Variants in PRICKLE4 observed in about 807,000 individuals in gnomAD.
PRICKLE4 encodes the protein prickle planar cell polarity protein 4.
Under a neutral mutation model 43.5 loss-of-function variants are expected in PRICKLE4, and 40 were observed. That is an observed-to-expected ratio of 0.92 (90% CI 0.71 to 1.20). PRICKLE4 has a LOEUF of 1.20. Among genes scored for constraint, PRICKLE4 ranks in the 50% most tolerant of loss-of-function variants. PRICKLE4 has a pLI of 0.00. For missense variants in PRICKLE4, 527 were observed against 491.2 expected, an observed-to-expected ratio of 1.07 and a Z score of -0.69; for synonymous variants, 208 against 197.4, an observed-to-expected ratio of 1.05 and a Z score of -0.45.
rs1158199284 is a variant in PRICKLE4, at chr6:41,785,397, C to T, written c.439C>T (p.Arg147Cys). The T allele has an allele frequency of 4.3e-6, 7 of 1,614,148 alleles. No individual in the cohort carries two copies. Among genetic ancestry groups the T allele is most frequent in the East Asian group, 2.2e-5 (1 of 44,878 alleles). The change falls in exon 6 of 8, where the codon CGC (arginine) becomes TGC (cysteine). Residue 147 changes from arginine (R) to cysteine (C), a missense_variant. Transcript: ENST00000458694. ...GVFAARAGEQ[R>C]CWHQPCFACQ... is the part of the protein sequence containing the mutation. ...GTTTGCAGCCCGGGCAGGGGAACAG[C>T]GCTGCTGGCACCAGCCTTGCTTTGC... is the stretch of plus-strand genomic sequence containing the variant.
intron 7 of PRICKLE4, 161 bp downstream of exon 7, chr6:41,786,493 C>G: frequency 3.8e-6 from 4 of 1,054,782 alleles, no homozygotes; most frequent in Non-Finnish European, 5.6e-6. Flanking sequence ...CAGCTCTCAC[C>G]GCGCATCCCT....
chr6:41,784,512 C>CA (rs1325809116), intron 4 of PRICKLE4, among the ~76,000 whole-genome samples: 1 of 152,190 alleles, frequency 6.6e-6, no homozygotes, highest in African/African-American at 2.4e-5. Context: ...ATGGAATGTA[C>CA]AAATGTAGAG....
chr6:41,785,024 G>T lies in PRICKLE4; in HGVS notation c.330G>T (p.Gly110=). 1 of 1,613,518 alleles carries T rather than the reference G, an allele frequency of 6.2e-7. No homozygotes were observed. Among genetic ancestry groups the T allele is most frequent in the Non-Finnish European group, 8.5e-7 (1 of 1,179,778 alleles). Residue 110 remains glycine (G), a synonymous_variant, in exon 5 of 8, where the codon GGG becomes GGT. Coordinates refer to ENST00000458694, the MANE Select transcript of PRICKLE4 (RefSeq NM_013397.6). ...ARRKQEALGQ[G]VARLVLPKLE... Reference sequence around the variant, plus strand: ...GGAAGCAGGAAGCCCTGGGACAGGGGGTAGCCCGCCTGGTACTTCCCAAGC... The same window carrying T: ...GGAAGCAGGAAGCCCTGGGACAGGGTGTAGCCCGCCTGGTACTTCCCAAGC...
intron 6 of PRICKLE4, among the ~76,000 whole-genome samples, chr6:41,785,742 C>G (rs553715244): frequency 2.4e-4 from 37 of 152,328 alleles, no homozygotes; most frequent in African/African-American, 8.4e-4. Flanking sequence ...TGGCCTCCCC[C>G]ACTGCAGAGT....
rs1412618165 is a variant in PRICKLE4 at position 41,781,454 on chromosome 6, T to G, written c.-79T>G. ...GTGCTGTTAGTGGCTACTCCTGGTGTGAACAGCCCATCCTGGCCACCTTCC... is the reference window on the plus strand; with the variant it reads ...GTGCTGTTAGTGGCTACTCCTGGTGGGAACAGCCCATCCTGGCCACCTTCC... On this transcript the variant is annotated 5_prime_UTR_variant, in exon 2 of 8. Coordinates refer to ENST00000458694, the MANE Select transcript of PRICKLE4 (RefSeq NM_013397.6). The G allele has an allele frequency of 1.3e-5, 2 of 152,684 alleles. No individual in the cohort carries two copies. The highest frequency in any genetic ancestry group is 4.8e-5 in the African/African-American group (2 of 41,420). The allele number at this position is 152,684 out of a possible 1,614,324, so 9.5% of individuals were successfully genotyped here.
chr6:41,786,221 G>A lies in PRICKLE4; in HGVS notation c.676G>A (p.Gly226Arg), dbSNP rs750649386. The A allele has an allele frequency of 3.1e-6, 5 of 1,607,310 alleles. No individual in the cohort carries two copies. Among genetic ancestry groups the A allele is most frequent in the Non-Finnish European group, 4.3e-6 (5 of 1,175,010 alleles). Residue 226 changes from glycine to arginine, a missense_variant, in exon 7 of 8, where the codon GGA becomes AGA. Transcript: ENST00000458694. Reference protein sequence around the residue: ...CQDCAGPLGGGRYALPGGSPC... With the variant: ...CQDCAGPLGGRRYALPGGSPC... ...GGACTGCGCCGGGCCTCTGGGCGGG[G>A]GACGTTATGCCCTGCCTGGGGGAAG... is the stretch of plus-strand genomic sequence containing the variant.
chr6:41,784,241 G>A lies in PRICKLE4; in HGVS notation c.240+3G>A. On this transcript the variant is annotated splice_donor_region_variant and intron_variant, in intron 4 of 7. Transcript: ENST00000458694. ...AACTCCCTCCGCAGGACATTGATGT[G>A]GGTCTCCTCTCCCCATCTTCCCTCT... is the stretch of plus-strand genomic sequence containing the variant. The A allele has an allele frequency of 6.3e-7, 1 of 1,595,462 alleles. No individual in the cohort carries two copies. Among genetic ancestry groups the A allele is most frequent in the Middle Eastern group, 1.7e-4 (1 of 5,996 alleles).
rs1772643600 is a variant in PRICKLE4 at position 41,786,210 on chromosome 6, C to T, written c.665C>T (p.Pro222Leu). Residue 222 changes from proline (P) to leucine (L), a missense_variant, in exon 7 of 8, where the codon CCT (proline) becomes CTT (leucine). Physicochemically the swap from Pro to Leu is moderately conservative, Grantham distance 98. Coordinates refer to ENST00000458694, the MANE Select transcript of PRICKLE4 (RefSeq NM_013397.6). ...TTCTGTTGCCAGGACTGCGCCGGGC[C>T]TCTGGGCGGGGGACGTTATGCCCTG... ...NHFCCQDCAG[P>L]LGGGRYALPG... The T allele has an allele frequency of 7.5e-6, 12 of 1,608,802 alleles. No individual in the cohort carries two copies. Among genetic ancestry groups the T allele is most frequent in the South Asian group, 1.1e-5 (1 of 90,806 alleles).
rs780776853 is a variant in PRICKLE4, at chr6:41,786,619, T to C, written c.788-143T>C. On this transcript the variant is annotated intron_variant, in intron 7 of 7. Transcript: ENST00000458694. Reference sequence around the variant, plus strand: ...GCCCTCTGGTGGAGGCGGGGGACCCTGGCGAGGACTCTCGGCGGCGGCGGC... The same window carrying C: ...GCCCTCTGGTGGAGGCGGGGGACCCCGGCGAGGACTCTCGGCGGCGGCGGC... 5.9e-6 allele frequency: 8 copies of C among 1,362,450 alleles called. No individual in the cohort carries two copies. The South Asian group carries it at 1.1e-4, about 18-fold the overall frequency. 84.4% of individuals were successfully genotyped at this position (1,362,450 alleles called of 1,614,324 possible). A position where few individuals can be genotyped will look rare whatever the true frequency, so the allele number is the denominator to read the frequency against.
chr6:41,786,168 G>C lies in PRICKLE4; in HGVS notation c.623G>C (p.Arg208Pro). The C allele has an allele frequency of 6.2e-7, 1 of 1,613,648 alleles. No homozygotes were observed. The highest frequency in any genetic ancestry group is 8.5e-7 in the Non-Finnish European group (1 of 1,179,788). The change falls in exon 7 of 8, where the codon CGC (arginine) becomes CCC (proline). Residue 208 changes from arginine (R) to proline (P), a missense_variant. By Grantham distance (103) the Arg-to-Pro change is moderately radical. Transcript: ENST00000458694. ...SWRCTEAEGQ[R>P]WHENHFCCQD... ...CGCTGCACCGAGGCGGAGGGACAGCGCTGGCATGAGAACCACTTCTGTTGC... is the reference window on the plus strand; with the variant it reads ...CGCTGCACCGAGGCGGAGGGACAGCCCTGGCATGAGAACCACTTCTGTTGC...
chr6:41,784,909 G>A, intron 4 of PRICKLE4, 26 bp from the exon 5 acceptor site: 2 of 1,611,776 alleles, frequency 1.2e-6, no homozygotes, highest in Non-Finnish European at 8.5e-7. Flanking sequence ...AGCTCTCCCA[G>A]TAATTGTAGA....
chr6:41,782,530 T>C (rs200629619), intron 2 of PRICKLE4, among the ~76,000 whole-genome samples: 1 of 151,832 alleles, frequency 6.6e-6, no homozygotes, highest in Non-Finnish European at 1.5e-5. Context: ...GCTGGGACTA[T>C]AGGCGCCCGC....
chr6:41,784,466 T>G (rs1007050601), intron 4 of PRICKLE4, among the ~76,000 whole-genome samples: 1 of 152,162 alleles, frequency 6.6e-6, no homozygotes, highest in Non-Finnish European at 1.5e-5. Context: ...CAAGAGCAAA[T>G]GAGAAAATGG....
chr6:41,784,088 A>G, intron 3 of PRICKLE4, 43 bp from the exon 4 acceptor site: 1 of 1,459,124 alleles, frequency 6.9e-7, no homozygotes, highest in Non-Finnish European at 9.5e-7. Context: ...GAAAGGAAAG[A>G]AAAACCTAGT....
rs761583315 is a variant in PRICKLE4 at position 41,787,160 on chromosome 6, G to A, written c.*31G>A. The A allele has an allele frequency of 3.2e-6, 5 of 1,561,844 alleles. No homozygotes were observed. The African/African-American group carries it at 6.8e-5, about 21-fold the overall frequency. ...CAGCTCAGAGAGGGGATGTGAGTGGGAGGAAAGGGGTCTGTAAAGCGGGAG... is the reference window on the plus strand; with the variant it reads ...CAGCTCAGAGAGGGGATGTGAGTGGAAGGAAAGGGGTCTGTAAAGCGGGAG... On this transcript the variant is annotated 3_prime_UTR_variant, in exon 8 of 8. Transcript: ENST00000458694.
At position 41,781,431 on chromosome 6, in the gene PRICKLE4, G is replaced by A. The variant is rs1173146324; in HGVS notation, c.-102G>A. ...TCTTGCTGCCTGGAGCAGGGGCAGT[G>A]CTGTTAGTGGCTACTCCTGGTGTGA... On this transcript the variant is annotated 5_prime_UTR_variant, in exon 2 of 8. Transcript: ENST00000458694. 1 of 152,978 alleles carries A rather than the reference G, an allele frequency of 6.5e-6. No homozygotes were observed. The highest frequency in any genetic ancestry group is 1.9e-4 in the East Asian group (1 of 5,212). The allele number at this position is 152,978 out of a possible 1,614,324, so 9.5% of individuals were successfully genotyped here. A position where few individuals can be genotyped will look rare whatever the true frequency, so the allele number is the denominator to read the frequency against.
chr6:41,783,888 T>C (rs1224838984), intron 3 of PRICKLE4: 2 of 729,080 alleles, frequency 2.7e-6, no homozygotes, highest in Non-Finnish European at 5.0e-6. Context: ...AGGGAAAGCA[T>C]AAGAAGGGAA....
chr6:41,786,444 G>GC, intron 7 of PRICKLE4, 112 bp downstream of exon 7: 30 of 1,238,452 alleles, frequency 2.4e-5, no homozygotes, highest in Non-Finnish European at 3.4e-5. Context: ...CTCCAGGAGC[G>GC]CCCCCACCGC....
intron 4 of PRICKLE4, 165 bp from the exon 5 acceptor site, chr6:41,784,770 A>G: frequency 2.2e-6 from 2 of 903,998 alleles, no homozygotes; most frequent in Admixed American, 2.6e-5. Context: ...GGCTTTCTTG[A>G]GCTCCTTTCC....
Sources: gnomAD v4.1 joint callset for allele counts (sites outside exome capture counted in the v4.1 genomes callset) on GRCh38, gnomAD v4.1.1 for gene constraint, MANE v1.5 for transcripts, NCBI Gene and HGNC (gene_info 2026-07-23, HGNC 2026-07-21) for gene names.